Variants in SLC24A2 observed in about 807,000 individuals in gnomAD.
SLC24A2 encodes solute carrier family 24 member 2, also known as sodium/potassium/calcium exchanger 2.
A neutral mutation model predicts 62.0 loss-of-function variants in SLC24A2; 36 were observed. The ratio of observed to expected loss-of-function variants is 0.58; its 90% CI spans 0.44 to 0.77. The LOEUF is 0.77. Among genes scored for constraint, SLC24A2 ranks in the 30% least tolerant of loss-of-function variants. SLC24A2 has a pLI of 0.00. For synonymous variants in SLC24A2, 358 were observed against 294.0 expected (o/e 1.22, Z -2.23); for missense variants, 846 against 817.9 (o/e 1.03, Z -0.42).
chr9:20,285,415 G>C, the SLC24A2 span, among the ~76,000 whole-genome samples: 1 of 152,216 alleles, frequency 6.6e-6, no homozygotes, highest in African/African-American at 2.4e-5. Flanking sequence ...CTAGTCCAAG[G>C]CTGAAGGCCT....
the SLC24A2 span, among the ~76,000 whole-genome samples, chr9:20,051,657 CTTTTTTTTTT>C: frequency 1.4e-5 from 1 of 73,514 alleles, no homozygotes; most frequent in Admixed American, 2.0e-4. Context: ...TTTTCTTTCT[CTTTTTTTTTT>C]TTTTTTTTTT....
At chr9:19,905,366 T>G in the SLC24A2 span, among the ~76,000 whole-genome samples, 1 of 152,132 alleles carries the variant, frequency 6.6e-6, no homozygotes, top group African/African-American at 2.4e-5. Context: ...ATGTTGCACA[T>G]TTTGTCAAGT....
chr9:19,964,143 C>G, the SLC24A2 span, among the ~76,000 whole-genome samples: 1 of 144,772 alleles, frequency 6.9e-6, no homozygotes, highest in African/African-American at 2.6e-5. Context: ...ACCGCATGTT[C>G]TCATTCATAG....
the SLC24A2 span, among the ~76,000 whole-genome samples, chr9:19,824,835 C>T: frequency 1.3e-5 from 2 of 152,160 alleles, no homozygotes; most frequent in Non-Finnish European, 2.9e-5. Flanking sequence ...GAACACTATG[C>T]AGCCATAAAA....
chr9:20,194,090 T>G, the SLC24A2 span, among the ~76,000 whole-genome samples: 5 of 152,162 alleles, frequency 3.3e-5, no homozygotes, highest in East Asian at 1.9e-4. Flanking sequence ...GGTTTTTTTT[T>G]GGGAAAACAA....
chr9:20,022,514 G>T, the SLC24A2 span, among the ~76,000 whole-genome samples: 8 of 152,196 alleles, frequency 5.3e-5, no homozygotes, highest in Non-Finnish European at 1.0e-4. Context: ...CATGTGCTCA[G>T]TAAGTGTACC....
chr9:19,569,981 C>G (rs2132835353), intron 7 of SLC24A2, among the ~76,000 whole-genome samples: 1 of 152,322 alleles, frequency 6.6e-6, no homozygotes, highest in South Asian at 2.1e-4. Flanking sequence ...GGAGCCTCTC[C>G]ATTTTCCTTC....
chr9:19,708,333 A>G (rs1029925808), intron 2 of SLC24A2, among the ~76,000 whole-genome samples: 5 of 152,146 alleles, frequency 3.3e-5, no homozygotes, highest in Admixed American at 2.6e-4. Context: ...ATACTGCCCA[A>G]GGTAATTTAT....
intron 4 of SLC24A2, among the ~76,000 whole-genome samples, chr9:19,604,844 A>T (rs1307092099): frequency 6.6e-6 from 1 of 152,220 alleles, no homozygotes; most frequent in East Asian, 1.9e-4. Flanking sequence ...ATTGTCTGGC[A>T]TGTTATTTTC....
At chr9:19,969,698 G>C in the SLC24A2 span, among the ~76,000 whole-genome samples, 2 of 152,228 alleles carry the variant, frequency 1.3e-5, no homozygotes, top group Non-Finnish European at 2.9e-5. Context: ...AAGACAGAGA[G>C]AGAGAGCAGT....
intron 2 of SLC24A2, among the ~76,000 whole-genome samples, chr9:19,753,854 A>G (rs1017991136): frequency 1.3e-5 from 2 of 152,148 alleles, no homozygotes. Context: ...TCTGTCACAT[A>G]AAGTGGCAGG....
chr9:20,055,122 T>G, the SLC24A2 span, among the ~76,000 whole-genome samples: 6,483 of 152,026 alleles, frequency 0.043, 153 homozygotes, highest in South Asian at 0.07. Flanking sequence ...CAGGCTCGAG[T>G]GCTCATAAAG....
intron 2 of SLC24A2, among the ~76,000 whole-genome samples, chr9:19,768,110 C>G (rs1473717195): frequency 1.3e-5 from 2 of 152,162 alleles, no homozygotes; most frequent in Non-Finnish European, 2.9e-5. Context: ...AGACAGGGCC[C>G]TCAAGACCCA....
intron 2 of SLC24A2, among the ~76,000 whole-genome samples, chr9:19,708,666 T>G (rs1331209325): frequency 6.6e-6 from 1 of 152,254 alleles, no homozygotes; most frequent in Non-Finnish European, 1.5e-5. Context: ...AAGGATTCCC[T>G]ATTTAATAAA....
intron 2 of SLC24A2, among the ~76,000 whole-genome samples, chr9:19,738,935 G>A (rs1395270686): frequency 6.6e-6 from 1 of 152,130 alleles, no homozygotes; most frequent in Non-Finnish European, 1.5e-5. Flanking sequence ...TGGCCAATAT[G>A]GTGAAATCCC....
At chr9:19,751,151 T>C (rs1182671) in intron 2 of SLC24A2, among the ~76,000 whole-genome samples, 51,613 of 152,032 alleles carry the variant, frequency 0.34, 8,966 homozygotes, top group African/African-American at 0.37. Flanking sequence ...TGACTTCACT[T>C]AGCGCTGACG....
chr9:19,735,731 C>T (rs1486613361), intron 2 of SLC24A2, among the ~76,000 whole-genome samples: 1 of 151,924 alleles, frequency 6.6e-6, no homozygotes, highest in Non-Finnish European at 1.5e-5. Context: ...AGCTGGAAAC[C>T]ATCATTCTCA....
rs555354893 is a variant in SLC24A2, at chr9:19,575,432, T to C, written c.1228+1492A>G. 7.9e-5 allele frequency among the ~76,000 whole-genome samples: 12 copies of C among 152,292 alleles called. No homozygotes were observed. The South Asian group carries it at 2.5e-3, about 32-fold the overall frequency. ...GAGTTAACATGTCCAAGAACAGAGA[T>C]GAACAGATGAGCAGAGACTGCCTGC... On this transcript the variant is annotated intron_variant, in intron 6 of 10. Coordinates refer to ENST00000341998, the MANE Select transcript of SLC24A2 (RefSeq NM_020344.4).
chr9:19,682,137 T>C (rs569375858), intron 2 of SLC24A2, among the ~76,000 whole-genome samples: 6 of 152,286 alleles, frequency 3.9e-5, no homozygotes, highest in African/African-American at 1.4e-4. Context: ...GCATCATGGA[T>C]GTGCTTTATG....
Sources: gnomAD v4.1 joint callset for allele counts (sites outside exome capture counted in the v4.1 genomes callset) on GRCh38, gnomAD v4.1.1 for gene constraint, MANE v1.5 for transcripts, NCBI Gene and HGNC (gene_info 2026-07-23, HGNC 2026-07-21) for gene names.